Variants in KIF21B observed in about 807,000 individuals in gnomAD.
The protein encoded by KIF21B is kinesin-like protein KIF21B.
Under a neutral mutation model 192.9 loss-of-function variants are expected in KIF21B, and 85 were observed. That is an observed-to-expected ratio of 0.44 (90% CI 0.37 to 0.53). The LOEUF (loss-of-function observed/expected upper bound fraction) is 0.53, where lower values mean the gene tolerates loss of function less well. Among genes scored for constraint, KIF21B ranks in the 20% least tolerant of loss-of-function variants. The probability of loss-of-function intolerance (pLI) is 0.00; values close to 1 mark genes in which losing one functional copy is unlikely to be tolerated. For synonymous variants in KIF21B, 832 were observed against 884.6 expected (o/e 0.94, Z 1.05); for missense variants, 1,716 against 2,194.8 (o/e 0.78, Z 4.36).
intron 1 of KIF21B, among the ~76,000 whole-genome samples, chr1:201,012,858 T>G (rs897156667): frequency 6.6e-6 from 1 of 152,170 alleles, no homozygotes; most frequent in African/African-American, 2.4e-5. Context: ...TGCCCAGGCC[T>G]GTCTCGAACT....
chr1:201,016,738 G>A (rs940674690), intron 1 of KIF21B, among the ~76,000 whole-genome samples: 4 of 152,186 alleles, frequency 2.6e-5, no homozygotes, highest in African/African-American at 7.2e-5. Context: ...CAGCCAGAGG[G>A]TCTTGTTGCC....
intron 14 of KIF21B, 93 bp from the exon 15 acceptor site, chr1:200,996,488 TC>T: frequency 1.8e-6 from 2 of 1,118,876 alleles, no homozygotes; most frequent in Non-Finnish European, 2.7e-6. Context: ...AACCCTCTGT[TC>T]CAGTCTCATT....
At chr1:201,008,361 G>A (rs904839190) in intron 3 of KIF21B, among the ~76,000 whole-genome samples, 3 of 152,182 alleles carry the variant, frequency 2.0e-5, no homozygotes, top group African/African-American at 7.2e-5. Flanking sequence ...AGGATGCCCT[G>A]AGGCTGAGGG....
Position 200,990,295 on chromosome 1 carries a change from C to T in KIF21B, c.2873G>A (p.Arg958Gln), listed in dbSNP as rs145500432. Residue 958 changes from arginine to glutamine, a missense_variant, in exon 20 of 35, where the codon CGG (arginine) becomes CAG (glutamine). Around this residue, in one of 3 missense-constraint regions of KIF21B, gnomAD observed 1,087 missense variants for 1,316.6 expected, o/e 0.83. Transcript: ENST00000461742. This position sits in a 1 kb window ranked among gnomAD's most constrained non-coding sequence, Gnocchi z 5.4. ...AGCCTGCAGCCGCTCCCGCTTCCTC[C>T]GCAGTGCCTCCTGCAGGAGGAACAG... is the stretch of plus-strand genomic sequence containing the variant. ...EELFLLQEALRRKRERLQAES... is the reference protein window; with the variant it reads ...EELFLLQEALQRKRERLQAES... 3.3e-5 allele frequency: 54 copies of T among 1,613,044 alleles called. No individual in the cohort carries two copies. The highest frequency in any genetic ancestry group is 2.0e-4 in the African/African-American group (15 of 74,916).
chr1:200,978,836 A>C (rs1203510297), intron 30 of KIF21B, among the ~76,000 whole-genome samples: 1 of 152,028 alleles, frequency 6.6e-6, no homozygotes, highest in Non-Finnish European at 1.5e-5. Context: ...ACAGGCATGC[A>C]CCACCATGCT....
intron 34 of KIF21B, chr1:200,974,185 C>A: frequency 6.4e-7 from 1 of 1,554,586 alleles, no homozygotes; most frequent in Non-Finnish European, 8.7e-7. Flanking sequence ...ACAACTTTAC[C>A]CGGCAGTCAC....
chr1:200,976,615 A>G (rs1040210666), intron 32 of KIF21B, among the ~76,000 whole-genome samples, 161 bp downstream of exon 32: 2 of 152,268 alleles, frequency 1.3e-5, no homozygotes, highest in African/African-American at 4.8e-5. Flanking sequence ...GCTGCAATCT[A>G]TAACTTTCTG....
At position 201,008,749 on chromosome 1, in the gene KIF21B, A is replaced by T. The variant is rs1242913940; in HGVS notation, c.447+20T>A. ...TGTCCACCAAGCCTCCCACCTGCCCACCCTATGGGGCCACAGTACCTCCAG... is the reference window on the plus strand; with the variant it reads ...TGTCCACCAAGCCTCCCACCTGCCCTCCCTATGGGGCCACAGTACCTCCAG... On this transcript the variant is annotated intron_variant, in intron 3 of 34. Transcript: ENST00000461742. The T allele has an allele frequency of 7.7e-6, 12 of 1,565,156 alleles. No individual in the cohort carries two copies. The highest frequency in any genetic ancestry group is 7.8e-6 in the Non-Finnish European group (9 of 1,160,540).
At chr1:200,986,352 C>CA (rs1656298804) in intron 26 of KIF21B, among the ~76,000 whole-genome samples, 1 of 143,522 alleles carries the variant, frequency 7.0e-6, no homozygotes, top group Non-Finnish European at 1.5e-5. Context: ...ATTACATTTC[C>CA]TTTTTTTTTT....
In KIF21B at chr1:201,005,590, G is replaced by T. The variant is rs538270928; in HGVS notation, c.552C>A (p.Ile184=). 6.8e-6 allele frequency: 11 copies of T among 1,614,214 alleles called. No homozygotes were observed. The East Asian group carries it at 2.2e-4, about 33-fold the overall frequency. The change falls in exon 4 of 35, where the codon ATC becomes ATA. Residue 184 remains isoleucine (I), a synonymous_variant. Transcript: ENST00000461742. ...GGCGAGAAGTGACGCCAGTGGTGTA[G>T]ATGCCACCGTTTGCGTCCTCGTGGA... ...IKIHEDANGG[I]YTTGVTSRLI... is the part of the protein sequence containing the mutation.
In KIF21B at chr1:200,995,647, G is replaced by A. The variant is rs1657010132; in HGVS notation, c.2277+549C>T. On this transcript the variant is annotated intron_variant, in intron 15 of 34. Coordinates refer to ENST00000461742, the MANE Select transcript of KIF21B (RefSeq NM_001252102.2). ...AGTTCAAATCCCAGTGCTACCTCTT[G>A]GAAGCTGGAATTAACTTCTCTGAGC... 2.6e-5 allele frequency among the ~76,000 whole-genome samples: 4 copies of A among 152,292 alleles called. No individual in the cohort carries two copies. The South Asian group carries it at 8.3e-4, about 32-fold the overall frequency.
At position 201,023,316 on chromosome 1, in the gene KIF21B, G is replaced by C; in HGVS notation, c.41+27C>G. 1 of 1,517,082 alleles carries C rather than the reference G, an allele frequency of 6.6e-7. No homozygotes were observed. Among genetic ancestry groups the C allele is most frequent in the East Asian group, 2.7e-5 (1 of 37,278 alleles). 94.0% of individuals were successfully genotyped at this position (1,517,082 alleles called of 1,614,324 possible). On this transcript the variant is annotated intron_variant, in intron 1 of 34. Transcript: ENST00000461742. This position sits in a 1 kb window ranked among gnomAD's most constrained non-coding sequence, Gnocchi z 5.9. ...GACAAAGCCCGAGGCTTCTCCGCGC[G>C]CCCCCTTCCCCGCCCCGGGTCCCTA...
intron 24 of KIF21B, 79 bp from the exon 25 acceptor site, chr1:200,987,280 T>G (rs986374319): frequency 7.7e-5 from 106 of 1,377,214 alleles, no homozygotes; most frequent in Middle Eastern, 3.8e-4. Flanking sequence ...AATTCTATTT[T>G]TTTTTTTTTG....
intron 17 of KIF21B, among the ~76,000 whole-genome samples, chr1:200,991,438 T>C (rs1352758118): frequency 6.6e-6 from 1 of 152,248 alleles, no homozygotes; most frequent in Non-Finnish European, 1.5e-5. Context: ...TTGGACACAA[T>C]TTGGACACCA....
chr1:200,976,259 G>A (rs572565637), intron 32 of KIF21B, among the ~76,000 whole-genome samples: 1 of 152,124 alleles, frequency 6.6e-6, no homozygotes, highest in South Asian at 2.1e-4. Context: ...CCTGGTTAAT[G>A]TTTTGTATTT....
chr1:201,022,554 A>G (rs966883523), intron 1 of KIF21B, among the ~76,000 whole-genome samples: 13 of 152,144 alleles, frequency 8.5e-5, no homozygotes, highest in Non-Finnish European at 7.4e-5. Context: ...ACCCCTCCCA[A>G]TAGAACCCAC....
Position 201,000,561 on chromosome 1 carries a change from C to A in KIF21B, c.1514G>T (p.Ser505Ile). 1 of 1,613,326 alleles carries A rather than the reference C, an allele frequency of 6.2e-7. No individual in the cohort carries two copies. The highest frequency in any genetic ancestry group is 8.5e-7 in the Non-Finnish European group (1 of 1,179,756). The part of the protein sequence containing the change: ...SEAMNESLRR[S>I]LSRASARSPY... ...GCTCCTAGCCGAGGCCCGTGAGAGG[C>A]TGCGGCGCAGGGACTCGTTCATGGC... is the stretch of plus-strand genomic sequence containing the variant. Residue 505 changes from serine to isoleucine, a missense_variant, in exon 11 of 35, where the codon AGC becomes ATC. Ser to Ile is a moderately radical substitution (Grantham distance 142). This residue lies in a region of KIF21B where 1,087 missense variants were observed against 1,316.6 expected (regional missense o/e 0.83). Transcript: ENST00000461742. The surrounding 1 kb of genome is among the most constrained non-coding windows in gnomAD (Gnocchi z 6.0).
intron 1 of KIF21B, among the ~76,000 whole-genome samples, chr1:201,019,078 G>T (rs1229329875): frequency 6.6e-6 from 1 of 152,088 alleles, no homozygotes; most frequent in Non-Finnish European, 1.5e-5. Context: ...GGGACTACAG[G>T]CATGCGCCAC....
At chr1:201,007,384 A>ACC (rs1657940010) in intron 3 of KIF21B, among the ~76,000 whole-genome samples, 1 of 138,682 alleles carries the variant, frequency 7.2e-6, no homozygotes, top group African/African-American at 2.9e-5. Context: ...AGACAGAGAC[A>ACC]CACAGACACA....
Sources: gnomAD v4.1 joint callset for allele counts (sites outside exome capture counted in the v4.1 genomes callset) on GRCh38, gnomAD v4.1.1 for gene constraint, gnomAD v4.1.1 regional missense constraint, Gnocchi (gnomAD v3.1) non-coding constraint, MANE v1.5 for transcripts, NCBI Gene and HGNC (gene_info 2026-07-23, HGNC 2026-07-21) for gene names.